Variants in DLC1 observed in about 807,000 individuals in gnomAD.
The protein encoded by DLC1 is DLC1 Rho GTPase activating protein.
In DLC1, 54 loss-of-function variants were observed where a neutral mutation model predicts 140.3. The observed-to-expected ratio is 0.38, with a 90% CI of 0.31 to 0.48. The LOEUF (loss-of-function observed/expected upper bound fraction) is 0.48, where lower values mean the gene tolerates loss of function less well. Among genes scored for constraint, DLC1 ranks in the 20% least tolerant of loss-of-function variants. DLC1 has a pLI of 0.96. For missense variants in DLC1, 2,536 were observed against 1,907.0 expected (o/e 1.33, Z -6.14); for synonymous variants, 986 against 728.1 (o/e 1.35, Z -5.70).
At chr8:13,129,026 C>G (rs552330085) in intron 5 of DLC1, among the ~76,000 whole-genome samples, 1 of 149,416 alleles carries the variant, frequency 6.7e-6, no homozygotes, top group South Asian at 2.2e-4. Context: ...ATGGTAATCC[C>G]TAATAACACA....
intron 5 of DLC1, among the ~76,000 whole-genome samples, chr8:13,232,522 C>T (rs970763058): frequency 5.9e-5 from 9 of 152,036 alleles, no homozygotes; most frequent in Non-Finnish European, 1.3e-4. Context: ...TTAATAGAGA[C>T]GGGGTTTCAC....
At chr8:13,557,408 G>A (rs556021604) in intron 1 of DLC1, among the ~76,000 whole-genome samples, 304 of 152,292 alleles carry the variant, frequency 2.0e-3, no homozygotes, top group African/African-American at 6.8e-3. Context: ...AAGGATGTGA[G>A]AAGAGTCTGG....
chr8:13,515,111 G>T (rs1802541749), upstream of DLC1, among the ~76,000 whole-genome samples: 1 of 152,090 alleles, frequency 6.6e-6, no homozygotes, highest in Non-Finnish European at 1.5e-5. Flanking sequence ...AAGAAAGAAA[G>T]AAAGAAAGAA....
chr8:13,587,880 C>G (rs1585307344), intron 1 of DLC1, among the ~76,000 whole-genome samples: 1 of 152,046 alleles, frequency 6.6e-6, no homozygotes, highest in Admixed American at 6.6e-5. Context: ...CTATAACTTT[C>G]TCACCCTTCC....
intron 1 of DLC1, among the ~76,000 whole-genome samples, chr8:13,537,750 T>C (rs958473102): frequency 7.4e-5 from 11 of 148,160 alleles, no homozygotes; most frequent in African/African-American, 2.8e-4. Context: ...GCCTCCCGGG[T>C]TCACGCCATT....
chr8:13,266,305 C>T (rs1327581919), intron 5 of DLC1, among the ~76,000 whole-genome samples: 3 of 152,192 alleles, frequency 2.0e-5, no homozygotes, highest in Non-Finnish European at 2.9e-5. Flanking sequence ...CATCCACATT[C>T]TCTTACCTGG....
chr8:13,133,344 G>A, intron 5 of DLC1: 1 of 1,147,506 alleles, frequency 8.7e-7, no homozygotes, highest in South Asian at 2.3e-5. Context: ...CCCCCGAGGG[G>A]CGGGGCCAGA....
At chr8:13,110,408 C>T (rs935037915) in intron 7 of DLC1, among the ~76,000 whole-genome samples, 6 of 152,154 alleles carry the variant, frequency 3.9e-5, no homozygotes, top group African/African-American at 1.4e-4. Flanking sequence ...ATTTATTCCT[C>T]TGAACATGCT....
At chr8:13,406,181 G>GTTTTTTTTTTTGTTTTTTTTTT (rs1554514491) in intron 2 of DLC1, among the ~76,000 whole-genome samples, 2 of 84,958 alleles carry the variant, frequency 2.4e-5, no homozygotes, top group African/African-American at 9.5e-5. Flanking sequence ...TAATTTTTGT[G>GTTTTTTTTTTTGTTTTTTTTTT]TTTTTTTTTT....
chr8:13,292,359 G>T (rs956849640), intron 5 of DLC1, among the ~76,000 whole-genome samples: 3 of 152,180 alleles, frequency 2.0e-5, no homozygotes, highest in Non-Finnish European at 2.9e-5. Context: ...CTGATTAGCT[G>T]TGGAACGATG....
chr8:13,371,631 G>A (rs1185779903), intron 4 of DLC1, among the ~76,000 whole-genome samples: 2 of 151,298 alleles, frequency 1.3e-5, no homozygotes, highest in Non-Finnish European at 2.9e-5. Flanking sequence ...TTCTACATCA[G>A]GAAAGATCCA....
At chr8:13,212,024 A>T (rs1355830554) in intron 5 of DLC1, among the ~76,000 whole-genome samples, 1 of 152,248 alleles carries the variant, frequency 6.6e-6, no homozygotes, top group African/African-American at 2.4e-5. Flanking sequence ...TGGAAAAGGC[A>T]TGCATGAAAG....
At chr8:13,485,990 C>T (rs1043603094) in intron 2 of DLC1, among the ~76,000 whole-genome samples, 1 of 152,192 alleles carries the variant, frequency 6.6e-6, no homozygotes, top group South Asian at 2.1e-4. Context: ...GCCCTCTTGA[C>T]AATTGCTCAT....
At chr8:13,390,249 T>G (rs289557) in intron 4 of DLC1, among the ~76,000 whole-genome samples, 1 of 151,996 alleles carries the variant, frequency 6.6e-6, no homozygotes, top group Non-Finnish European at 1.5e-5. Flanking sequence ...ATGATTCCCC[T>G]CAAAACAAAA....
chr8:13,346,896 C>T (rs183446047), intron 4 of DLC1, among the ~76,000 whole-genome samples: 4 of 152,282 alleles, frequency 2.6e-5, no homozygotes, highest in East Asian at 1.9e-4. Context: ...TCACTTTCTC[C>T]GGTTTCAGTT....
At chr8:13,227,138 A>ATTG (rs1828830390) in intron 5 of DLC1, among the ~76,000 whole-genome samples, 1 of 152,134 alleles carries the variant, frequency 6.6e-6, no homozygotes, top group Non-Finnish European at 1.5e-5. Flanking sequence ...TCCTCCCACC[A>ATTG]CTATTAATAT....
At chr8:13,380,300 C>T (rs1836193791) in intron 4 of DLC1, among the ~76,000 whole-genome samples, 1 of 152,216 alleles carries the variant, frequency 6.6e-6, no homozygotes, top group Non-Finnish European at 1.5e-5. Context: ...GAGTCATCAT[C>T]ACTTTTTTAT....
At chr8:13,181,839 T>C (rs189791056) in intron 5 of DLC1, among the ~76,000 whole-genome samples, 1 of 152,332 alleles carries the variant, frequency 6.6e-6, no homozygotes, top group East Asian at 1.9e-4. Flanking sequence ...TATAATCCTT[T>C]GGGTATATAC....
chr8:13,115,569 T>G lies in DLC1; in HGVS notation c.1420+17A>C, dbSNP rs34462909. 8 of 1,607,638 alleles carry G rather than the reference T, an allele frequency of 5.0e-6. No individual in the cohort carries two copies. The African/African-American group carries it at 1.1e-4, about 22-fold the overall frequency. ...TATGATTATGCCAACTTTTAAAAAGTGGCATTCCCAGCTTACCTTCATAAA... is the reference window on the plus strand; with the variant it reads ...TATGATTATGCCAACTTTTAAAAAGGGGCATTCCCAGCTTACCTTCATAAA... On this transcript the variant is annotated intron_variant, in intron 6 of 17. Transcript: ENST00000276297.
Sources: allele counts gnomAD v4.1 joint callset (sites outside exome capture counted in the v4.1 genomes callset), GRCh38; gene constraint gnomAD v4.1.1; transcripts MANE v1.5; gene names NCBI Gene and HGNC (gene_info 2026-07-23, HGNC 2026-07-21).